The following SKAP2 variants were observed in gnomAD, a reference collection of about 807,000 sequenced individuals.
SKAP2 encodes the protein src kinase associated phosphoprotein 2, also known as src kinase-associated phosphoprotein 2.
Under a neutral mutation model 54.9 loss-of-function variants are expected in SKAP2, and 28 were observed. The observed-to-expected ratio is 0.51, with a 90% CI of 0.38 to 0.70. SKAP2 has a LOEUF of 0.70. Among genes scored for constraint, SKAP2 ranks in the 30% least tolerant of loss-of-function variants. The probability of loss-of-function intolerance (pLI) is 0.00; values close to 1 mark genes in which losing one functional copy is unlikely to be tolerated. For synonymous variants in SKAP2, 137 were observed against 134.3 expected, an observed-to-expected ratio of 1.02 and a Z score of -0.14; for missense variants, 356 against 424.1, an observed-to-expected ratio of 0.84 and a Z score of 1.41.
At chr7:26,857,323 A>AAAAAAAC (rs1785188486) in intron 1 of SKAP2, 1 of 248,718 alleles carries the variant, frequency 4.0e-6, no homozygotes, top group Non-Finnish European at 6.4e-6. Context: ...AAAAAAAAAA[A>AAAAAAAC]AAAAAAAAAA....
chr7:26,793,636 A>C (rs1783713749), intron 4 of SKAP2, among the ~76,000 whole-genome samples: 1 of 152,206 alleles, frequency 6.6e-6, no homozygotes, highest in Non-Finnish European at 1.5e-5. Context: ...TACATAATCT[A>C]AGTTATAAAA....
At position 26,724,947 on chromosome 7, in the gene SKAP2, T is replaced by C. The variant is rs569373620; in HGVS notation, c.796+481A>G. Reference sequence around the variant, plus strand: ...AGCCTCAAAAGGCCTTTGTTTATAGTTCAACAACATTCCTCTGAGACAGTG... The same window carrying C: ...AGCCTCAAAAGGCCTTTGTTTATAGCTCAACAACATTCCTCTGAGACAGTG... On this transcript the variant is annotated intron_variant, in intron 9 of 12. Coordinates refer to ENST00000345317, the MANE Select transcript of SKAP2 (RefSeq NM_003930.5). Among the ~76,000 whole-genome samples the C allele has an allele frequency of 1.9e-3, 288 of 152,154 alleles. 2 individuals carry two copies. Among genetic ancestry groups the C allele is most frequent in the East Asian group, 1.4e-3 (7 of 5,168 alleles).
At chr7:26,779,309 C>T (rs1434714857) in intron 4 of SKAP2, among the ~76,000 whole-genome samples, 2 of 151,956 alleles carry the variant, frequency 1.3e-5, no homozygotes, top group Non-Finnish European at 2.9e-5. Flanking sequence ...CTTTTACTTA[C>T]AGACAGAATA....
At chr7:26,798,105 G>C (rs894754974) in intron 4 of SKAP2, among the ~76,000 whole-genome samples, 1 of 151,892 alleles carries the variant, frequency 6.6e-6, no homozygotes, top group Non-Finnish European at 1.5e-5. Flanking sequence ...AGAACACTAA[G>C]CAGATTTAAC....
intron 4 of SKAP2, among the ~76,000 whole-genome samples, chr7:26,777,073 A>C (rs2127977004): frequency 6.6e-6 from 1 of 152,306 alleles, no homozygotes; most frequent in South Asian, 2.1e-4. Context: ...AAAGAGTTGA[A>C]ATCATTAATT....
At chr7:26,859,120 C>T (rs1451675554) in intron 1 of SKAP2, among the ~76,000 whole-genome samples, 1 of 152,118 alleles carries the variant, frequency 6.6e-6, no homozygotes, top group African/African-American at 2.4e-5. Flanking sequence ...AAACCAATCA[C>T]ACAGCACCCC....
chr7:26,722,241 A>C (rs1347859374), intron 9 of SKAP2, among the ~76,000 whole-genome samples: 1 of 152,236 alleles, frequency 6.6e-6, no homozygotes, highest in African/African-American at 2.4e-5. Context: ...TCCTTTACGA[A>C]GTTAGTTAAA....
At chr7:26,854,918 T>C (rs200944639) in intron 1 of SKAP2, 28 bp from the exon 2 acceptor site, 1 of 1,461,220 alleles carries the variant, frequency 6.8e-7, no homozygotes, top group East Asian at 2.3e-5. Context: ...AGAAACAGGA[T>C]ACAAATTATA....
chr7:26,691,712 C>T (rs1786787048), intron 9 of SKAP2, among the ~76,000 whole-genome samples: 1 of 152,144 alleles, frequency 6.6e-6, no homozygotes, highest in Non-Finnish European at 1.5e-5. Flanking sequence ...AACCCCCCAA[C>T]TAGGGAGTAC....
chr7:26,761,631 G>T (rs1548022), intron 4 of SKAP2, among the ~76,000 whole-genome samples: 1 of 152,052 alleles, frequency 6.6e-6, no homozygotes, highest in East Asian at 1.9e-4. Context: ...GCCAGGCATG[G>T]TGGCTCACAC....
downstream of SKAP2, among the ~76,000 whole-genome samples, chr7:26,663,212 G>A (rs534538546): frequency 6.9e-4 from 105 of 152,116 alleles, no homozygotes; most frequent in Middle Eastern, 3.4e-3. Context: ...TTTCTCTTGG[G>A]CTATAAGACA....
intron 4 of SKAP2, among the ~76,000 whole-genome samples, chr7:26,777,451 A>G (rs1318680121): frequency 6.6e-6 from 1 of 152,146 alleles, no homozygotes; most frequent in Admixed American, 6.6e-5. Context: ...TGAATATTTG[A>G]TATTATTTTC....
At chr7:26,773,772 T>C (rs1195538695) in intron 4 of SKAP2, among the ~76,000 whole-genome samples, 1 of 152,212 alleles carries the variant, frequency 6.6e-6, no homozygotes, top group Admixed American at 6.5e-5. Flanking sequence ...CATCTCAGTT[T>C]ATATCTTGTA....
Position 26,836,084 on chromosome 7 carries a change from C to A in SKAP2, c.307+7946G>T, listed in dbSNP as rs182923635. On this transcript the variant is annotated intron_variant, in intron 4 of 12. Transcript: ENST00000345317. ...CTTTGACAAACCTGACAAAAACAAGCAATGGGGAAATGATTCCCTATTTAA... is the reference window on the plus strand; with the variant it reads ...CTTTGACAAACCTGACAAAAACAAGAAATGGGGAAATGATTCCCTATTTAA... Among the ~76,000 whole-genome samples the A allele has an allele frequency of 3.4e-4, 52 of 152,258 alleles. No individual in the cohort carries two copies. The East Asian group carries it at 9.1e-3, about 27-fold the overall frequency.
chr7:26,699,958 C>A (rs1334771032), intron 9 of SKAP2, among the ~76,000 whole-genome samples: 1 of 152,100 alleles, frequency 6.6e-6, no homozygotes, highest in African/African-American at 2.4e-5. Flanking sequence ...GTGTTTTTCC[C>A]ATTTTCTGTG....
intron 4 of SKAP2, among the ~76,000 whole-genome samples, chr7:26,779,235 T>C (rs926014095): frequency 6.6e-6 from 1 of 152,044 alleles, no homozygotes; most frequent in Non-Finnish European, 1.5e-5. Flanking sequence ...TAGCTGTTTA[T>C]AAAATAAAAG....
At chr7:26,858,447 C>T (rs1170101045) in intron 1 of SKAP2, among the ~76,000 whole-genome samples, 1 of 152,130 alleles carries the variant, frequency 6.6e-6, no homozygotes, top group Non-Finnish European at 1.5e-5. Flanking sequence ...TTTACAACTG[C>T]TCTGTCGATA....
At chr7:26,830,107 A>T (rs973740851) in intron 4 of SKAP2, among the ~76,000 whole-genome samples, 2 of 152,184 alleles carry the variant, frequency 1.3e-5, no homozygotes, top group African/African-American at 2.4e-5. Context: ...CCTTGAAAAC[A>T]TTATGCTAAG....
chr7:26,690,144 C>T (rs1786750371), intron 10 of SKAP2, 141 bp downstream of exon 10: 1 of 619,416 alleles, frequency 1.6e-6, no homozygotes, highest in Non-Finnish European at 2.9e-6. Flanking sequence ...GACTAAGCAG[C>T]TTATCAGCCA....
Sources: gnomAD v4.1 joint callset for allele counts (sites outside exome capture counted in the v4.1 genomes callset) on GRCh38, gnomAD v4.1.1 for gene constraint, MANE v1.5 for transcripts, NCBI Gene and HGNC (gene_info 2026-07-23, HGNC 2026-07-21) for gene names.